Variants in TTF1 observed in about 807,000 individuals in gnomAD.
TTF1 encodes the protein transcription termination factor 1.
In TTF1, 64 loss-of-function variants were observed where a neutral mutation model predicts 80.2. That is an observed-to-expected ratio of 0.80 (90% CI 0.65 to 0.98). The LOEUF is 0.98. Among genes scored for constraint, TTF1 ranks in the 50% least tolerant of loss-of-function variants. The pLI, the probability that TTF1 is intolerant of heterozygous loss-of-function variation, is 0.00. For missense variants in TTF1, 1,023 were observed against 1,086.2 expected, an observed-to-expected ratio of 0.94 and a Z score of 0.82; for synonymous variants, 372 against 382.7, an observed-to-expected ratio of 0.97 and a Z score of 0.33.
rs768786941 is a variant in TTF1 at position 132,406,795 on chromosome 9, G to C, written c.-13C>G. ...CAAAGGCGCTTTCAACTTACCCTCC[G>C]AAAGCGCCGCCACCTTTCTCCCAAC... On this transcript the variant is annotated 5_prime_UTR_variant, in exon 1 of 11. Transcript: ENST00000334270. 4 of 152,136 alleles carry C rather than the reference G, an allele frequency of 2.6e-5. No homozygotes were observed. Among genetic ancestry groups the C allele is most frequent in the African/African-American group, 9.7e-5 (4 of 41,420 alleles). The allele number at this position is 152,136 out of a possible 1,614,324, so 9.4% of individuals were successfully genotyped here. A position where few individuals can be genotyped will look rare whatever the true frequency, so the allele number is the denominator to read the frequency against.
chr9:132,377,446 TGTG>T (rs1435626734), intron 10 of TTF1, among the ~76,000 whole-genome samples: 19 of 108,656 alleles, frequency 1.7e-4, no homozygotes, highest in African/African-American at 6.5e-4. Flanking sequence ...AGTGCATGCA[TGTG>T]GTGTGTGTGA....
chr9:132,377,673 T>TGC (rs1849240921), intron 10 of TTF1, among the ~76,000 whole-genome samples: 1 of 119,296 alleles, frequency 8.4e-6, no homozygotes, highest in Non-Finnish European at 1.7e-5. Flanking sequence ...GTGCATGTGG[T>TGC]GTGTGAATGC....
chr9:132,402,075 A>G lies in TTF1; in HGVS notation c.747T>C (p.Asp249=), dbSNP rs757295471. The change falls in exon 2 of 11, where the codon GAT becomes GAC. Residue 249 remains aspartate (D), a synonymous_variant. Transcript: ENST00000334270. ...CCACAGTAGGCTGGGATTCCTGCATATCAGTCCCGGCCTCTCTGCCTGCTT... is the reference window on the plus strand; with the variant it reads ...CCACAGTAGGCTGGGATTCCTGCATGTCAGTCCCGGCCTCTCTGCCTGCTT... The part of the protein sequence containing the change: ...GSQAGREAGT[D]MQESQPTVGL... 1.4e-5 allele frequency: 23 copies of G among 1,613,842 alleles called. No homozygotes were observed. The Admixed American group carries it at 3.8e-4, about 27-fold the overall frequency.
At chr9:132,385,941 A>C (rs1056164287) in intron 9 of TTF1, among the ~76,000 whole-genome samples, 3 of 152,216 alleles carry the variant, frequency 2.0e-5, no homozygotes, top group Non-Finnish European at 4.4e-5. Flanking sequence ...TCAATGCTGT[A>C]TCCCCAGAGC....
intron 5 of TTF1, among the ~76,000 whole-genome samples, chr9:132,394,892 C>CAA (rs1303358774): frequency 9.3e-5 from 12 of 129,300 alleles, no homozygotes; most frequent in African/African-American, 8.6e-5. Context: ...GACCCTGTTC[C>CAA]AAAAAAAAAA....
rs1589828754 is a variant in TTF1, at chr9:132,402,913, T to C, written c.-7-85A>G. The C allele has an allele frequency of 2.2e-6, 3 of 1,339,760 alleles. No homozygotes were observed. In the South Asian group the frequency reaches 4.5e-5, roughly 20 times the overall value. 83.0% of individuals were successfully genotyped at this position (1,339,760 alleles called of 1,614,324 possible). A position where few individuals can be genotyped will look rare whatever the true frequency, so the allele number is the denominator to read the frequency against. On this transcript the variant is annotated intron_variant, in intron 1 of 10. Transcript: ENST00000334270. The stretch of plus-strand genomic sequence containing the variant: ...CTCTGTCGCCCAGGCTGGAGTGCAG[T>C]GGCGCGATCTCGGCTCACTGCAAGC...
At chr9:132,403,944 T>C (rs1849813679) in intron 1 of TTF1, among the ~76,000 whole-genome samples, 1 of 152,208 alleles carries the variant, frequency 6.6e-6, no homozygotes, top group Non-Finnish European at 1.5e-5. Flanking sequence ...CTAACGTTAA[T>C]ACTCACATAC....
rs1726887385 is a variant in TTF1 at position 132,375,966 on chromosome 9, A to G, written c.2667T>C (p.Ala889=). The change falls in exon 11 of 11, where the codon GCT becomes GCC. Residue 889 remains alanine, a synonymous_variant. Transcript: ENST00000334270. ...CCAAAGTACTGGAATTACAGGCGTGAGCCATGCATGGCGCCTGGCCTTCGC... is the reference window on the plus strand; with the variant it reads ...CCAAAGTACTGGAATTACAGGCGTGGGCCATGCATGGCGCCTGGCCTTCGC... ...KESEGQAPCM[A]HACNSSTLGG... The G allele has an allele frequency of 6.2e-7, 1 of 1,611,800 alleles. No homozygotes were observed. Among genetic ancestry groups the G allele is most frequent in the Non-Finnish European group, 8.5e-7 (1 of 1,179,052 alleles).
At position 132,402,344 on chromosome 9, in the gene TTF1, G is replaced by A. The variant is rs1361118161; in HGVS notation, c.478C>T (p.His160Tyr). Reference protein sequence around the residue: ...KSHAHKSEALHSKVREKKNKK... With the variant: ...KSHAHKSEALYSKVREKKNKK... ...TTCTTTTTCTCCCTAACTTTACTGT[G>A]CAGGGCTTCTGATTTATGTGCATGT... Residue 160 changes from histidine (H) to tyrosine (Y), a missense_variant, in exon 2 of 11, where the codon CAC becomes TAC. Coordinates refer to ENST00000334270, the MANE Select transcript of TTF1 (RefSeq NM_007344.4). 1 of 1,614,088 alleles carries A rather than the reference G, an allele frequency of 6.2e-7. No homozygotes were observed. The highest frequency in any genetic ancestry group is 1.7e-5 in the Admixed American group (1 of 60,016).
chr9:132,396,548 T>G (rs1210942547), intron 4 of TTF1, 37 bp from the exon 5 acceptor site: 2 of 1,585,926 alleles, frequency 1.3e-6, no homozygotes, highest in Non-Finnish European at 1.7e-6. Context: ...GGGACTCACA[T>G]GAAATGAAGT....
intron 10 of TTF1, among the ~76,000 whole-genome samples, chr9:132,377,243 TGTG>T (rs1045879851): frequency 1.1e-4 from 16 of 144,116 alleles, no homozygotes; most frequent in South Asian, 9.0e-4. Flanking sequence ...TGTGAGTGCA[TGTG>T]GTGTGTGTGA....
chr9:132,392,157 C>G lies in TTF1; in HGVS notation c.1906G>C (p.Gly636Arg). 6.2e-7 allele frequency: 1 copy of G among 1,614,136 alleles called. No homozygotes were observed. The highest frequency in any genetic ancestry group is 8.5e-7 in the Non-Finnish European group (1 of 1,180,034). The part of the protein sequence containing the change: ...EKLKMYHSLL[G>R]NDWKTIGEMV... ...TCACCAATCGTCTTCCAGTCATTCC[C>G]AAGGAGAGAATGGTACATCTTTAAC... The change falls in exon 6 of 11, where the codon GGG becomes CGG. Residue 636 changes from glycine to arginine, a missense_variant. Coordinates refer to ENST00000334270, the MANE Select transcript of TTF1 (RefSeq NM_007344.4).
At chr9:132,397,176 T>C (rs1397167518) in intron 4 of TTF1, among the ~76,000 whole-genome samples, 3 of 152,158 alleles carry the variant, frequency 2.0e-5, no homozygotes, top group African/African-American at 4.8e-5. Context: ...CAAAGTAGTT[T>C]TAAGATAATG....
Position 132,386,635 on chromosome 9 carries a change from TAAAA to T in TTF1, c.2313-18_2313-15del. ...ATTTCATACAACCTGTGAGAAAAAA[TAAAA>T]ATTAAATTTTCAAGCAAAAATAATC... On this transcript the variant is annotated splice_polypyrimidine_tract_variant and intron_variant, in intron 8 of 10. Coordinates refer to ENST00000334270, the MANE Select transcript of TTF1 (RefSeq NM_007344.4). 5.0e-6 allele frequency: 8 copies of T among 1,600,482 alleles called. No individual in the cohort carries two copies. The highest frequency in any genetic ancestry group is 6.8e-6 in the Non-Finnish European group (8 of 1,169,278).
At chr9:132,392,312 G>C (rs1486065122) in intron 5 of TTF1, 106 bp from the exon 6 acceptor site, 1 of 1,368,554 alleles carries the variant, frequency 7.3e-7, no homozygotes, top group African/African-American at 1.4e-5. Flanking sequence ...AATGGGGCAG[G>C]CTGTCAGGGA....
intron 9 of TTF1, among the ~76,000 whole-genome samples, chr9:132,382,990 G>A (rs1004673943): frequency 4.6e-5 from 7 of 151,722 alleles, no homozygotes; most frequent in Admixed American, 6.6e-5. Flanking sequence ...GCTTGAACCC[G>A]GAAGGTGGAG....
chr9:132,392,612 C>T (rs1849580695), intron 5 of TTF1, among the ~76,000 whole-genome samples: 1 of 152,270 alleles, frequency 6.6e-6, no homozygotes, highest in Admixed American at 6.5e-5. Flanking sequence ...TGGAGAACAC[C>T]GTGCTTCTCT....
intron 10 of TTF1, among the ~76,000 whole-genome samples, chr9:132,377,465 TGTG>T (rs1333183361): frequency 2.1e-5 from 2 of 94,422 alleles, no homozygotes; most frequent in Non-Finnish European, 4.4e-5. Flanking sequence ...TGTGAGTGCA[TGTG>T]GTGTGTGTGA....
chr9:132,377,920 G>GAA (rs1849257851), intron 10 of TTF1, among the ~76,000 whole-genome samples: 1 of 127,376 alleles, frequency 7.9e-6, no homozygotes. Flanking sequence ...GTGTGTGTGA[G>GAA]TGCATGTGGT....
Sources: gnomAD v4.1 joint callset for allele counts (sites outside exome capture counted in the v4.1 genomes callset) on GRCh38, gnomAD v4.1.1 for gene constraint, MANE v1.5 for transcripts, NCBI Gene and HGNC (gene_info 2026-07-23, HGNC 2026-07-21) for gene names.